Variants in TMTC1 observed in about 807,000 individuals in gnomAD.
The protein encoded by TMTC1 is transmembrane O-mannosyltransferase targeting cadherins 1, also known as protein O-mannosyl-transferase TMTC1.
In TMTC1, 73 loss-of-function variants were observed where a neutral mutation model predicts 104.8. The ratio of observed to expected loss-of-function variants is 0.70; its 90% CI spans 0.58 to 0.85. The LOEUF is 0.85. Among genes scored for constraint, TMTC1 ranks in the 40% least tolerant of loss-of-function variants. The pLI, the probability that TMTC1 is intolerant of heterozygous loss-of-function variation, is 0.00. For missense variants in TMTC1, 1,035 were observed against 1,096.1 expected (o/e 0.94, Z 0.79); for synonymous variants, 434 against 428.7 (o/e 1.01, Z -0.15).
At chr12:29,621,305 A>G (rs942787183) in intron 6 of TMTC1, among the ~76,000 whole-genome samples, 1 of 152,222 alleles carries the variant, frequency 6.6e-6, no homozygotes, top group Non-Finnish European at 1.5e-5. Context: ...GTGCCATAAT[A>G]CCATAACCTA....
Position 29,540,994 on chromosome 12 carries a change from C to CAAA in TMTC1, c.1677-4680_1677-4678dup, listed in dbSNP as rs139584029. Reference sequence around the variant, plus strand: ...TGGGCGACAGAGTGAGACTCTGTCTCAAAAAAAAATAAAAACAAACAAACA... The same window carrying CAAA: ...TGGGCGACAGAGTGAGACTCTGTCTCAAAAAAAAAAAATAAAAACAAACAAACA... On this transcript the variant is annotated intron_variant, in intron 10 of 17. Transcript: ENST00000539277. Among the ~76,000 whole-genome samples the CAAA allele has an allele frequency of 3.4e-5, 5 of 149,166 alleles. No homozygotes were observed. The South Asian group carries it at 8.4e-4, about 25-fold the overall frequency.
Position 29,643,026 on chromosome 12 carries a change from C to A in TMTC1, c.939-9690G>T, listed in dbSNP as rs1938932982. Among the ~76,000 whole-genome samples, 3 of 139,366 alleles carry A rather than the reference C, an allele frequency of 2.2e-5. 1 individual carries two copies. In the Admixed American group the frequency reaches 2.3e-4, roughly 10 times the overall value. 91.4% of individuals were successfully genotyped at this position (139,366 alleles called of 152,430 possible). On this transcript the variant is annotated intron_variant, in intron 5 of 17. Transcript: ENST00000539277. ...TCTCAAAAGAAGATATACAAATGGC[C>A]AACAAACGTGAAAAAATGCTCAACA...
At chr12:29,709,072 C>T (rs1211647114) in intron 5 of TMTC1, among the ~76,000 whole-genome samples, 1 of 152,144 alleles carries the variant, frequency 6.6e-6, no homozygotes, top group African/African-American at 2.4e-5. Context: ...TTTTTAAATA[C>T]TGTTTTTGTT....
intron 10 of TMTC1, among the ~76,000 whole-genome samples, chr12:29,548,809 A>ATAATATAT (rs754912121): frequency 0.41 from 57,852 of 142,684 alleles, 12,791 homozygotes; most frequent in African/African-American, 0.57. Flanking sequence ...ATATAAGTAT[A>ATAATATAT]AAGGTTATAT....
chr12:29,608,326 C>G (rs1003785074), intron 6 of TMTC1, among the ~76,000 whole-genome samples: 1 of 152,082 alleles, frequency 6.6e-6, no homozygotes, highest in Non-Finnish European at 1.5e-5. Flanking sequence ...CAATAATACC[C>G]TAACAAAATA....
intron 5 of TMTC1, among the ~76,000 whole-genome samples, chr12:29,662,646 G>A (rs1940085449): frequency 1.0e-5 from 1 of 97,766 alleles, no homozygotes; most frequent in South Asian, 2.9e-4. Flanking sequence ...CAGCTTGGGT[G>A]ACAGAGCGAG....
intron 5 of TMTC1, among the ~76,000 whole-genome samples, chr12:29,655,127 T>C (rs10843466): frequency 0.25 from 37,433 of 151,988 alleles, 4,802 homozygotes; most frequent in African/African-American, 0.32. Context: ...GTGATCCGCC[T>C]GCCTCGGCCT....
chr12:29,652,141 G>C (rs1939550208), intron 5 of TMTC1, among the ~76,000 whole-genome samples: 1 of 152,224 alleles, frequency 6.6e-6, no homozygotes. Flanking sequence ...AAAAAGGAAA[G>C]AAGAGTGGCC....
chr12:29,707,410 G>A (rs12829495), intron 5 of TMTC1, among the ~76,000 whole-genome samples: 10,669 of 152,088 alleles, frequency 0.07, 436 homozygotes, highest in Middle Eastern at 0.15. Context: ...TTCAACCCTT[G>A]TGTCCATCCA....
chr12:29,536,560 C>A (rs765061842), intron 10 of TMTC1, among the ~76,000 whole-genome samples: 2 of 152,124 alleles, frequency 1.3e-5, no homozygotes, highest in African/African-American at 4.8e-5. Flanking sequence ...CTTTTTTCTA[C>A]CTTCTGTTTT....
intron 10 of TMTC1, among the ~76,000 whole-genome samples, chr12:29,543,750 C>T (rs1046871526): frequency 6.6e-6 from 1 of 152,096 alleles, no homozygotes; most frequent in Non-Finnish European, 1.5e-5. Context: ...CTTTCCTGTA[C>T]AGAAAGAAAA....
chr12:29,682,609 G>A (rs1452125831), intron 5 of TMTC1, among the ~76,000 whole-genome samples: 1 of 152,200 alleles, frequency 6.6e-6, no homozygotes. Flanking sequence ...CAACTTGGAT[G>A]AATCTAAAAG....
rs200770761 is a variant in TMTC1, at chr12:29,652,128, C to CA, written c.939-18793dup. Among the ~76,000 whole-genome samples, 1,189 of 151,600 alleles carry CA rather than the reference C, an allele frequency of 7.8e-3. 6 individuals are homozygous for CA. Among genetic ancestry groups the CA allele is most frequent in the Non-Finnish European group, 0.014 (949 of 67,872 alleles). ...ATGCCCTCTGGTAACTTGGTTGGCACAAAAAAAGGAAAGAAGAGTGGCCAT... is the reference window on the plus strand; with the variant it reads ...ATGCCCTCTGGTAACTTGGTTGGCACAAAAAAAAGGAAAGAAGAGTGGCCAT... On this transcript the variant is annotated intron_variant, in intron 5 of 17. Coordinates refer to ENST00000539277, the MANE Select transcript of TMTC1 (RefSeq NM_001193451.2).
intron 5 of TMTC1, chr12:29,661,304 G>A: frequency 1.5e-5 from 14 of 927,548 alleles, no homozygotes; most frequent in Non-Finnish European, 1.8e-5. Context: ...CAAAATAAGA[G>A]TTTATTTACC....
At chr12:29,533,147 T>C (rs1944552669) in intron 11 of TMTC1, 1 of 152,216 alleles carries the variant, frequency 6.6e-6, no homozygotes, top group African/African-American at 2.4e-5. Context: ...CTTCCTATTA[T>C]CTATCAATGT....
chr12:29,658,522 A>T (rs1939863606), intron 5 of TMTC1: 1 of 156,424 alleles, frequency 6.4e-6, no homozygotes, highest in African/African-American at 2.4e-5. Context: ...AGAGTGCTTA[A>T]TACGCACATT....
At chr12:29,633,976 C>A (rs1938426816) in intron 5 of TMTC1, among the ~76,000 whole-genome samples, 1 of 152,138 alleles carries the variant, frequency 6.6e-6, no homozygotes, top group Non-Finnish European at 1.5e-5. Flanking sequence ...TATTTAAATT[C>A]ATTCAGTCAA....
At chr12:29,659,097 T>C (rs1321792502) in intron 5 of TMTC1, among the ~76,000 whole-genome samples, 1 of 152,234 alleles carries the variant, frequency 6.6e-6, no homozygotes, top group African/African-American at 2.4e-5. Context: ...TATTTGTCAC[T>C]TCCAACCACC....
intron 15 of TMTC1, among the ~76,000 whole-genome samples, chr12:29,515,886 A>G (rs2136144651): frequency 6.6e-6 from 1 of 152,014 alleles, no homozygotes; most frequent in South Asian, 2.1e-4. Context: ...AAATGGAGAT[A>G]ATAACAGTTG....
Sources: allele counts gnomAD v4.1 joint callset (sites outside exome capture counted in the v4.1 genomes callset), GRCh38; gene constraint gnomAD v4.1.1; transcripts MANE v1.5; gene names NCBI Gene and HGNC (gene_info 2026-07-23, HGNC 2026-07-21).